The following FAT3 variants were observed in gnomAD, a reference collection of about 807,000 sequenced individuals.
FAT3 encodes the protein FAT atypical cadherin 3, also known as protocadherin Fat 3.
A neutral mutation model predicts 310.2 loss-of-function variants in FAT3; 95 were observed. That is an observed-to-expected ratio of 0.31 (90% confidence interval 0.26 to 0.36). FAT3 has a LOEUF of 0.36. Ranked by LOEUF, FAT3 falls within the 10% of genes least tolerant of loss-of-function variation. The pLI is 1.00. For missense variants in FAT3, 5,408 were observed against 5,715.6 expected, an observed-to-expected ratio of 0.95 and a Z score of 1.74; for synonymous variants, 2,314 against 2,192.9, an observed-to-expected ratio of 1.06 and a Z score of -1.54.
At chr11:92,760,737 T>C (rs1219159333) in intron 4 of FAT3, among the ~76,000 whole-genome samples, 1 of 152,210 alleles carries the variant, frequency 6.6e-6, no homozygotes, top group Non-Finnish European at 1.5e-5. Context: ...TTATAAACTG[T>C]GCCACACTAT....
At chr11:92,616,630 A>G (rs919807174) in intron 3 of FAT3, among the ~76,000 whole-genome samples, 9 of 152,092 alleles carry the variant, frequency 5.9e-5, no homozygotes, top group Admixed American at 5.2e-4. Context: ...GTTCCTTTCC[A>G]TGTTTAGTGC....
intron 3 of FAT3, among the ~76,000 whole-genome samples, chr11:92,558,019 C>G (rs1955083142): frequency 6.6e-6 from 1 of 152,040 alleles, no homozygotes; most frequent in African/African-American, 2.4e-5. Flanking sequence ...CCTGTTATCA[C>G]ATTCAGGCAT....
intron 2 of FAT3, among the ~76,000 whole-genome samples, chr11:92,385,106 T>G (rs1949586797): frequency 6.6e-6 from 1 of 152,252 alleles, no homozygotes; most frequent in Admixed American, 6.5e-5. Flanking sequence ...TGTTTTCACT[T>G]GAAAATTGCA....
chr11:92,732,679 T>A (rs1048666905), intron 4 of FAT3, among the ~76,000 whole-genome samples: 1 of 152,184 alleles, frequency 6.6e-6, no homozygotes, highest in African/African-American at 2.4e-5. Flanking sequence ...ATTTGTTACA[T>A]GGGAATAGCA....
intron 1 of FAT3, among the ~76,000 whole-genome samples, chr11:92,347,557 G>C (rs751664192): frequency 1.7e-4 from 26 of 152,132 alleles, no homozygotes; most frequent in Non-Finnish European, 2.6e-4. Context: ...ACCCTACAGA[G>C]CCAAGGCTGT....
chr11:92,768,022 A>G (rs934156250), intron 6 of FAT3, among the ~76,000 whole-genome samples: 1 of 152,162 alleles, frequency 6.6e-6, no homozygotes, highest in Non-Finnish European at 1.5e-5. Flanking sequence ...CAGTTTACAG[A>G]TGAGAGCTCT....
intron 3 of FAT3, among the ~76,000 whole-genome samples, chr11:92,654,145 A>T (rs2135770763): frequency 6.6e-6 from 1 of 152,328 alleles, no homozygotes; most frequent in South Asian, 2.1e-4. Flanking sequence ...AGCATTCAGG[A>T]GATAAACTGA....
chr11:92,353,202 A>G lies in FAT3; in HGVS notation c.1090A>G (p.Ile364Val). 3.1e-6 allele frequency: 5 copies of G among 1,613,842 alleles called. No homozygotes were observed. The highest frequency in any genetic ancestry group is 3.4e-6 in the Non-Finnish European group (4 of 1,179,870). ...ATGTTCAGCATTAAAGGCAGTCTACATTGGCAACCCCACAAGAGACACTGT... is the reference window on the plus strand; with the variant it reads ...ATGTTCAGCATTAAAGGCAGTCTACGTTGGCAACCCCACAAGAGACACTGT... ...QKCSALKAVYIGNPTRDTVPI... is the reference protein window; with the variant it reads ...QKCSALKAVYVGNPTRDTVPI... The change falls in exon 2 of 28, where the codon ATT becomes GTT. Residue 364 changes from isoleucine (I) to valine (V), a missense_variant. Ile to Val is a conservative substitution (Grantham distance 29). Transcript: ENST00000525166.
intron 2 of FAT3, among the ~76,000 whole-genome samples, chr11:92,382,706 CT>C (rs1949524361): frequency 6.6e-6 from 1 of 152,206 alleles, no homozygotes; most frequent in Admixed American, 6.5e-5. Context: ...AGTTCTATGA[CT>C]TTTTCCATGT....
intron 3 of FAT3, among the ~76,000 whole-genome samples, chr11:92,529,225 C>T (rs1953983922): frequency 6.6e-6 from 1 of 152,100 alleles, no homozygotes; most frequent in Admixed American, 6.5e-5. Flanking sequence ...AAGAGTGGAG[C>T]TTTGTGGATT....
At position 92,765,040 on chromosome 11, in the gene FAT3, G is replaced by A. The variant is rs1351723684; in HGVS notation, c.4146G>A (p.Gly1382=). The change falls in exon 6 of 28, where the codon GGG becomes GGA. Residue 1382 remains glycine (G), a synonymous_variant. Transcript: ENST00000525166. The stretch of plus-strand genomic sequence containing the variant: ...GTGATAGAGTGACTGAAATTGTAGG[G>A]GTGGTGTCTGTGCAGCCAGCTAACA... ...MESDRVTEIV[G]VVSVQPANTP... 4 of 1,613,628 alleles carry A rather than the reference G, an allele frequency of 2.5e-6. No individual in the cohort carries two copies. The highest frequency in any genetic ancestry group is 4.5e-5 in the East Asian group (2 of 44,860).
At chr11:92,841,190 C>A (rs543118996) in intron 18 of FAT3, among the ~76,000 whole-genome samples, 1 of 152,020 alleles carries the variant, frequency 6.6e-6, no homozygotes, top group Non-Finnish European at 1.5e-5. Flanking sequence ...TGGCAGTGGC[C>A]CCCAGCATGT....
rs1949259508 is a variant in FAT3, at chr11:92,866,838, C to T, written c.11756C>T (p.Ser3919Leu). ...GRAVNDGSWH[S>L]VFLELNRNFT... ...GCTGTCAACGACGGGAGCTGGCACTCGGTCTTCCTGGAGCTCAACCGCAAT... is the reference window on the plus strand; with the variant it reads ...GCTGTCAACGACGGGAGCTGGCACTTGGTCTTCCTGGAGCTCAACCGCAAT... The change falls in exon 22 of 28, where the codon TCG becomes TTG. Residue 3919 changes from serine to leucine, a missense_variant. Coordinates refer to ENST00000525166, the MANE Select transcript of FAT3 (RefSeq NM_001367949.2). 1.2e-6 allele frequency: 2 copies of T among 1,613,944 alleles called. No homozygotes were observed. Among genetic ancestry groups the T allele is most frequent in the Admixed American group, 1.7e-5 (1 of 60,024 alleles).
chr11:92,615,227 C>A lies in FAT3; in HGVS notation c.3608-82157C>A, dbSNP rs753767078. ...AATTTTAGAATCAACTTGTTAATTT[C>A]TTTTCTTCTTATTATTTTTATTTAC... On this transcript the variant is annotated intron_variant, in intron 3 of 27. Coordinates refer to ENST00000525166, the MANE Select transcript of FAT3 (RefSeq NM_001367949.2). Among the ~76,000 whole-genome samples the A allele has an allele frequency of 3.3e-5, 5 of 152,026 alleles. No individual in the cohort carries two copies. The South Asian group carries it at 6.2e-4, about 19-fold the overall frequency.
rs1948705156 is a variant in FAT3, at chr11:92,355,452, T to C, written c.3292+48T>C. 4.6e-6 allele frequency: 7 copies of C among 1,529,400 alleles called. No homozygotes were observed. The East Asian group carries it at 1.6e-4, about 35-fold the overall frequency. 94.7% of individuals were successfully genotyped at this position (1,529,400 alleles called of 1,614,324 possible). On this transcript the variant is annotated intron_variant, in intron 2 of 27. Transcript: ENST00000525166. ...AGAGTGTTGTTTCACCTCTTTTAAATGGTCAACAGTGGAAAAGTAAAGGGA... is the reference window on the plus strand; with the variant it reads ...AGAGTGTTGTTTCACCTCTTTTAAACGGTCAACAGTGGAAAAGTAAAGGGA...
Position 92,355,303 on chromosome 11 carries a change from A to C in FAT3, c.3191A>C (p.Gln1064Pro). 3 of 1,613,844 alleles carry C rather than the reference A, an allele frequency of 1.9e-6. No homozygotes were observed. The highest frequency in any genetic ancestry group is 1.7e-6 in the Non-Finnish European group (2 of 1,179,862). Reference protein sequence around the residue: ...ENSRIGTSVLQVTARDEDSGR... With the variant: ...ENSRIGTSVLPVTARDEDSGR... ...TCACGCATTGGAACAAGCGTGCTGC[A>C]GGTGACTGCTCGAGATGAAGACTCC... Residue 1064 changes from glutamine (Q) to proline (P), a missense_variant, in exon 2 of 28, where the codon CAG becomes CCG. Transcript: ENST00000525166.
intron 2 of FAT3, among the ~76,000 whole-genome samples, chr11:92,503,695 A>G (rs777308853): frequency 1.4e-4 from 21 of 152,144 alleles, no homozygotes; most frequent in Middle Eastern, 3.4e-3. Flanking sequence ...TACAGACAAC[A>G]CACTCTGATT....
chr11:92,745,484 A>G (rs1340447656), intron 4 of FAT3, among the ~76,000 whole-genome samples: 4 of 151,970 alleles, frequency 2.6e-5, no homozygotes, highest in Non-Finnish European at 5.9e-5. Context: ...GAAGATTAGA[A>G]TCAAGCAAGT....
rs1042888122 is a variant in FAT3, at chr11:92,894,652, C to T, written c.*3539C>T. 6.6e-6 allele frequency: 1 copy of T among 152,148 alleles called. No individual in the cohort carries two copies. The highest frequency in any genetic ancestry group is 1.5e-5 in the Non-Finnish European group (1 of 68,020). 9.4% of individuals were successfully genotyped at this position (152,148 alleles called of 1,614,324 possible). The stretch of plus-strand genomic sequence containing the variant: ...GAATAAAATGCATGCTTCATTTATT[C>T]CCTTTCCTCTATGAATATTTTGCTG... On this transcript the variant is annotated 3_prime_UTR_variant, in exon 28 of 28. Transcript: ENST00000525166.
Sources: allele counts gnomAD v4.1 joint callset (sites outside exome capture counted in the v4.1 genomes callset), GRCh38; gene constraint gnomAD v4.1.1; transcripts MANE v1.5; gene names NCBI Gene and HGNC (gene_info 2026-07-23, HGNC 2026-07-21).